The following NCOA2 variants were observed in gnomAD, a reference collection of about 807,000 sequenced individuals.
The protein encoded by NCOA2 is nuclear receptor coactivator 2.
A neutral mutation model predicts 145.1 loss-of-function variants in NCOA2; 21 were observed. That is an observed-to-expected ratio of 0.14 (90% CI 0.10 to 0.21). The LOEUF is 0.21. Among genes scored for constraint, NCOA2 ranks in the 10% least tolerant of loss-of-function variants. The pLI is 1.00. For missense variants in NCOA2, 1,472 were observed against 1,837.6 expected, an observed-to-expected ratio of 0.80 and a Z score of 3.64; for synonymous variants, 619 against 637.5, an observed-to-expected ratio of 0.97 and a Z score of 0.44.
At chr8:70,213,376 C>T (rs1819255623) in intron 4 of NCOA2, among the ~76,000 whole-genome samples, 1 of 152,118 alleles carries the variant, frequency 6.6e-6, no homozygotes, top group East Asian at 1.9e-4. Context: ...CTGTCATGTT[C>T]TATGTTTCAA....
At chr8:70,291,613 G>T (rs1433740656) in intron 2 of NCOA2, among the ~76,000 whole-genome samples, 1 of 152,206 alleles carries the variant, frequency 6.6e-6, no homozygotes, top group Non-Finnish European at 1.5e-5. Flanking sequence ...GCAGAATGAA[G>T]ATTGCCTGGA....
chr8:70,245,731 AAAAC>A (rs1822560488), intron 2 of NCOA2, among the ~76,000 whole-genome samples: 1 of 152,178 alleles, frequency 6.6e-6, no homozygotes, highest in Admixed American at 6.5e-5. Flanking sequence ...ATAAATGCTC[AAAAC>A]AAACATTCTG....
intron 2 of NCOA2, among the ~76,000 whole-genome samples, chr8:70,271,481 A>G (rs1264480184): frequency 6.6e-6 from 1 of 152,212 alleles, no homozygotes; most frequent in African/African-American, 2.4e-5. Flanking sequence ...CTTTAAAATT[A>G]AATGCCTTAA....
intron 1 of NCOA2, among the ~76,000 whole-genome samples, chr8:70,324,574 C>G (rs548794807): frequency 8.2e-4 from 124 of 152,044 alleles, no homozygotes; most frequent in African/African-American, 2.9e-3. Flanking sequence ...ACTCCTGCCT[C>G]AAGCAATCCA....
chr8:70,353,906 G>C (rs1366685168), intron 1 of NCOA2, among the ~76,000 whole-genome samples: 1 of 152,012 alleles, frequency 6.6e-6, no homozygotes, highest in Non-Finnish European at 1.5e-5. Context: ...GTTAAATATG[G>C]TAATATAATT....
chr8:70,165,312 TCAATGCCAAC>T, intron 7 of NCOA2, among the ~76,000 whole-genome samples: 1 of 152,360 alleles, frequency 6.6e-6, no homozygotes, highest in East Asian at 1.9e-4. Context: ...TAACTAGCAT[TCAATGCCAAC>T]CACAGTTCAG....
intron 2 of NCOA2, among the ~76,000 whole-genome samples, chr8:70,226,268 A>G (rs1820627231): frequency 6.6e-6 from 1 of 152,170 alleles, no homozygotes; most frequent in Non-Finnish European, 1.5e-5. Context: ...GAGGGAAAGA[A>G]CAGGAGGGAG....
intron 11 of NCOA2, among the ~76,000 whole-genome samples, chr8:70,148,741 C>T (rs1811397969): frequency 6.6e-6 from 1 of 152,178 alleles, no homozygotes; most frequent in Non-Finnish European, 1.5e-5. Context: ...AAGCTCTCTT[C>T]CAGCATTGTG....
chr8:70,186,218 T>C (rs1206555490), intron 4 of NCOA2, among the ~76,000 whole-genome samples: 1 of 152,184 alleles, frequency 6.6e-6, no homozygotes, highest in Non-Finnish European at 1.5e-5. Context: ...TTCTAACCAT[T>C]AGAAGGTCTA....
intron 6 of NCOA2, among the ~76,000 whole-genome samples, chr8:70,168,622 G>A (rs887990293): frequency 1.6e-4 from 24 of 152,198 alleles, no homozygotes; most frequent in African/African-American, 5.3e-4. Flanking sequence ...AGCCCAGCCA[G>A]TATCAGCATT....
At chr8:70,298,802 C>T (rs995372567) in intron 1 of NCOA2, among the ~76,000 whole-genome samples, 2 of 152,150 alleles carry the variant, frequency 1.3e-5, no homozygotes, top group Non-Finnish European at 2.9e-5. Context: ...TGGTTCACAC[C>T]TGTAATCCCA....
chr8:70,175,460 G>A (rs1019442278), intron 4 of NCOA2, among the ~76,000 whole-genome samples: 3 of 152,206 alleles, frequency 2.0e-5, no homozygotes, highest in African/African-American at 7.2e-5. Flanking sequence ...CCAGGCACTT[G>A]GGGAATTTCA....
chr8:70,307,576 T>C (rs1475846177), intron 1 of NCOA2, among the ~76,000 whole-genome samples: 1 of 152,256 alleles, frequency 6.6e-6, no homozygotes, highest in African/African-American at 2.4e-5. Context: ...GATAACTTAT[T>C]GCCATTTAAT....
intron 4 of NCOA2, among the ~76,000 whole-genome samples, chr8:70,210,781 T>C (rs536808600): frequency 2.4e-4 from 36 of 152,312 alleles, no homozygotes; most frequent in African/African-American, 8.4e-4. Flanking sequence ...TGAGCCCAGC[T>C]TTCCTCATTG....
intron 1 of NCOA2, among the ~76,000 whole-genome samples, chr8:70,338,193 A>T (rs993558503): frequency 6.6e-6 from 1 of 152,188 alleles, no homozygotes; most frequent in African/African-American, 2.4e-5. Flanking sequence ...ATAGACTGCT[A>T]GCTAGACTAA....
rs1035864585 is a variant in NCOA2 at position 70,148,262 on chromosome 8, C to T, written c.2605+11G>A. The T allele has an allele frequency of 6.2e-7, 1 of 1,612,742 alleles. No individual in the cohort carries two copies. ...AATTTCTTGGCATAACCAGCCATTTCTCATACTCACTGCTCTGTGAAATTC... is the reference window on the plus strand; with the variant it reads ...AATTTCTTGGCATAACCAGCCATTTTTCATACTCACTGCTCTGTGAAATTC... On this transcript the variant is annotated intron_variant, in intron 12 of 22. Transcript: ENST00000452400.
At chr8:70,436,541 C>A in the NCOA2 span, among the ~76,000 whole-genome samples, 1 of 152,176 alleles carries the variant, frequency 6.6e-6, no homozygotes, top group African/African-American at 2.4e-5. Context: ...CATATCTCCT[C>A]CAGTTTGCCT....
intron 1 of NCOA2, among the ~76,000 whole-genome samples, chr8:70,329,661 CA>C (rs1806904742): frequency 6.6e-6 from 1 of 151,824 alleles, no homozygotes; most frequent in Admixed American, 6.6e-5. Flanking sequence ...GAAAGTGACC[CA>C]AATGTTGATG....
chr8:70,290,786 A>C (rs899785825), intron 2 of NCOA2, among the ~76,000 whole-genome samples: 4 of 152,210 alleles, frequency 2.6e-5, no homozygotes, highest in Non-Finnish European at 5.9e-5. Flanking sequence ...AAATGGTTCA[A>C]AATAACATGT....
Sources: allele counts gnomAD v4.1 joint callset (sites outside exome capture counted in the v4.1 genomes callset), GRCh38; gene constraint gnomAD v4.1.1; transcripts MANE v1.5; gene names NCBI Gene and HGNC (gene_info 2026-07-23, HGNC 2026-07-21).